The following THEMIS variants were observed in gnomAD, a reference collection of about 807,000 sequenced individuals.
THEMIS encodes the protein protein THEMIS.
In THEMIS, 37 loss-of-function variants were observed where a neutral mutation model predicts 52.6. The ratio of observed to expected loss-of-function variants is 0.70; its 90% CI spans 0.54 to 0.93. The LOEUF (loss-of-function observed/expected upper bound fraction) is 0.93. Among genes scored for constraint, THEMIS ranks in the 40% least tolerant of loss-of-function variants. The probability of loss-of-function intolerance (pLI) is 0.00; values close to 1 mark genes in which losing one functional copy is unlikely to be tolerated. For missense variants in THEMIS, 808 were observed against 763.1 expected, an observed-to-expected ratio of 1.06 and a Z score of -0.69; for synonymous variants, 292 against 272.7, an observed-to-expected ratio of 1.07 and a Z score of -0.70.
chr6:127,838,655 A>G (rs1462224385), intron 2 of THEMIS, among the ~76,000 whole-genome samples: 2 of 152,028 alleles, frequency 1.3e-5, no homozygotes, highest in African/African-American at 4.8e-5. Context: ...GTTTTCATCT[A>G]TTTCAAATTT....
At chr6:127,867,413 G>A (rs1780017131) in intron 1 of THEMIS, among the ~76,000 whole-genome samples, 1 of 152,040 alleles carries the variant, frequency 6.6e-6, no homozygotes, top group Admixed American at 6.6e-5. Flanking sequence ...TAGGATCTAG[G>A]ACTTTTTATG....
chr6:127,903,581 A>G (rs1378347096), upstream of THEMIS, among the ~76,000 whole-genome samples: 1 of 151,984 alleles, frequency 6.6e-6, no homozygotes, highest in Non-Finnish European at 1.5e-5. Context: ...TTAAATTTAA[A>G]TAAAAATAAA....
At chr6:127,795,614 C>A (rs1052931355) in intron 4 of THEMIS, among the ~76,000 whole-genome samples, 1 of 152,184 alleles carries the variant, frequency 6.6e-6, no homozygotes, top group Non-Finnish European at 1.5e-5. Flanking sequence ...AGGCGTGAGC[C>A]ACCGCGCCCG....
At chr6:127,797,789 A>G (rs1777380486) in intron 4 of THEMIS, among the ~76,000 whole-genome samples, 1 of 152,206 alleles carries the variant, frequency 6.6e-6, no homozygotes, top group Non-Finnish European at 1.5e-5. Context: ...AATTTATCTG[A>G]GGTGAAAGAA....
At chr6:127,789,768 C>CA (rs1777096710) in intron 4 of THEMIS, among the ~76,000 whole-genome samples, 1 of 152,068 alleles carries the variant, frequency 6.6e-6, no homozygotes, top group Non-Finnish European at 1.5e-5. Context: ...GAACCAATGA[C>CA]AAAAAACACA....
At chr6:127,726,183 A>T (rs1774539972) in intron 4 of THEMIS, among the ~76,000 whole-genome samples, 1 of 152,154 alleles carries the variant, frequency 6.6e-6, no homozygotes, top group African/African-American at 2.4e-5. Flanking sequence ...TTTTGTGCTT[A>T]TTCCAAGTAC....
At position 127,739,344 on chromosome 6, in the gene THEMIS, A is replaced by G. The variant is rs570935021; in HGVS notation, c.1759-19521T>C. On this transcript the variant is annotated intron_variant, in intron 4 of 5. Transcript: ENST00000368248. ...AGCAAGAGTGAAGAAATTATGGGAAAAAAAATAAGAAATTATTTCTAGGCC... is the reference window on the plus strand; with the variant it reads ...AGCAAGAGTGAAGAAATTATGGGAAGAAAAATAAGAAATTATTTCTAGGCC... 5.3e-5 allele frequency among the ~76,000 whole-genome samples: 8 copies of G among 152,308 alleles called. No homozygotes were observed. The South Asian group carries it at 1.7e-3, about 32-fold the overall frequency.
At chr6:127,703,202 T>G (rs1321311937), downstream of THEMIS, among the ~76,000 whole-genome samples, 2 of 150,978 alleles carry the variant, frequency 1.3e-5, no homozygotes, top group East Asian at 3.9e-4. Flanking sequence ...CGCCCGCCAC[T>G]ACGCCCGGCT....
At chr6:127,802,821 T>G (rs2114568055) in intron 4 of THEMIS, among the ~76,000 whole-genome samples, 1 of 152,270 alleles carries the variant, frequency 6.6e-6, no homozygotes. Context: ...ACCTCTAGCC[T>G]TTTACCAGGG....
intron 3 of THEMIS, among the ~76,000 whole-genome samples, chr6:127,828,345 T>C (rs1778579137): frequency 6.6e-6 from 1 of 152,216 alleles, no homozygotes; most frequent in Admixed American, 6.5e-5. Context: ...CAGACATTAA[T>C]GTGGGGTCTA....
chr6:127,846,006 A>G (rs2114709980), intron 2 of THEMIS, among the ~76,000 whole-genome samples: 1 of 152,050 alleles, frequency 6.6e-6, no homozygotes, highest in Non-Finnish European at 1.5e-5. Flanking sequence ...TAGAATTTTC[A>G]ATTACCTGAC....
chr6:127,818,335 G>T (rs1778206783), intron 3 of THEMIS, among the ~76,000 whole-genome samples: 1 of 151,982 alleles, frequency 6.6e-6, no homozygotes, highest in Admixed American at 6.6e-5. Flanking sequence ...CATCAACAGT[G>T]CTCCTGTATA....
At chr6:127,901,084 A>G (rs1449073767), upstream of THEMIS, 1 of 644,182 alleles carries the variant, frequency 1.6e-6, no homozygotes, top group African/African-American at 1.8e-5. Context: ...GAGTAGCTCT[A>G]TGTGGGGAGG....
chr6:127,800,610 C>A (rs1374202199), intron 4 of THEMIS, among the ~76,000 whole-genome samples: 1 of 152,106 alleles, frequency 6.6e-6, no homozygotes, highest in Non-Finnish European at 1.5e-5. Context: ...GAGGGTGTTG[C>A]CAAAGGAGGT....
At chr6:127,811,975 T>C (rs1777922864) in intron 4 of THEMIS, among the ~76,000 whole-genome samples, 1 of 152,200 alleles carries the variant, frequency 6.6e-6, no homozygotes, top group Non-Finnish European at 1.5e-5. Context: ...TCCATATCCA[T>C]ATACTTGAAG....
At chr6:127,863,185 G>A (rs1043481732) in intron 1 of THEMIS, among the ~76,000 whole-genome samples, 6 of 152,158 alleles carry the variant, frequency 3.9e-5, no homozygotes, top group African/African-American at 1.4e-4. Flanking sequence ...GTTATAAAAT[G>A]AGTTTGAATT....
chr6:127,868,442 G>A, intron 1 of THEMIS: 3 of 985,332 alleles, frequency 3.0e-6, no homozygotes, highest in Non-Finnish European at 3.6e-6. Flanking sequence ...ACTTAGATTG[G>A]GGATAAAGAC....
intron 1 of THEMIS, among the ~76,000 whole-genome samples, chr6:127,892,748 C>T (rs1221440239): frequency 1.3e-5 from 2 of 152,112 alleles, no homozygotes; most frequent in Admixed American, 6.6e-5. Flanking sequence ...GTTGCAACCT[C>T]GAAAGTCTGT....
At chr6:127,769,104 A>G (rs1417232617) in intron 4 of THEMIS, among the ~76,000 whole-genome samples, 1 of 152,238 alleles carries the variant, frequency 6.6e-6, no homozygotes. Flanking sequence ...CAGGAATATG[A>G]AACATTAATT....
Sources: gnomAD v4.1 joint callset for allele counts (sites outside exome capture counted in the v4.1 genomes callset) on GRCh38, gnomAD v4.1.1 for gene constraint, MANE v1.5 for transcripts, NCBI Gene and HGNC (gene_info 2026-07-23, HGNC 2026-07-21) for gene names.